TENM3: variants seen among roughly 807,000 people sequenced by gnomAD.
TENM3 encodes teneurin-3.
TENM3 carries 63 observed loss-of-function variants against 255.1 expected under a neutral mutation model. That is an observed-to-expected ratio of 0.25 (90% confidence interval 0.20 to 0.30). The LOEUF is 0.30. Among genes scored for constraint, TENM3 ranks in the 10% least tolerant of loss-of-function variants. The pLI is 1.00. For synonymous variants in TENM3, 1,306 were observed against 1,322.3 expected, an observed-to-expected ratio of 0.99 and a Z score of 0.27; for missense variants, 2,929 against 3,461.1, an observed-to-expected ratio of 0.85 and a Z score of 3.86.
intron 3 of TENM3, among the ~76,000 whole-genome samples, chr4:182,387,891 C>T (rs138654428): frequency 6.7e-6 from 1 of 149,162 alleles, no homozygotes; most frequent in Non-Finnish European, 1.5e-5. Flanking sequence ...AAGAACCCAC[C>T]AATTCCGGAC....
the TENM3 span, among the ~76,000 whole-genome samples, chr4:181,575,849 G>T: frequency 6.6e-6 from 1 of 152,192 alleles, no homozygotes; most frequent in Non-Finnish European, 1.5e-5. Context: ...CTTCTCCATG[G>T]ACACAGATAG....
chr4:182,429,804 G>A (rs1355957283), intron 3 of TENM3, among the ~76,000 whole-genome samples: 2 of 152,160 alleles, frequency 1.3e-5, no homozygotes, highest in Non-Finnish European at 2.9e-5. Context: ...GAGATTGAAC[G>A]ATGAATAAAA....
At chr4:181,784,467 T>A in the TENM3 span, among the ~76,000 whole-genome samples, 6 of 152,146 alleles carry the variant, frequency 3.9e-5, no homozygotes, top group Admixed American at 6.6e-5. Context: ...TATTTATAGT[T>A]TCTCCATTTT....
chr4:182,418,206 A>T (rs1048669605), intron 3 of TENM3, among the ~76,000 whole-genome samples: 1 of 152,152 alleles, frequency 6.6e-6, no homozygotes, highest in African/African-American at 2.4e-5. Flanking sequence ...GCAGGTTGAG[A>T]TTGTTGTAGA....
intron 12 of TENM3, among the ~76,000 whole-genome samples, chr4:182,702,950 A>G (rs1315758367): frequency 6.6e-6 from 1 of 151,812 alleles, no homozygotes; most frequent in Non-Finnish European, 1.5e-5. Context: ...GTTAGCCAGG[A>G]TGGTCTCGAT....
chr4:182,749,983 G>GA (rs201463686), intron 19 of TENM3, among the ~76,000 whole-genome samples: 11,033 of 47,154 alleles, frequency 0.23, 530 homozygotes, highest in Middle Eastern at 0.39. Context: ...TTATAGAAAG[G>GA]AAAAAAAAAA....
intron 1 of TENM3, among the ~76,000 whole-genome samples, chr4:182,294,282 G>A (rs62352262): frequency 0.11 from 16,471 of 152,092 alleles, 1,072 homozygotes; most frequent in Middle Eastern, 0.21. Flanking sequence ...ACATTTTTAA[G>A]ATTTCTAGAT....
chr4:182,324,240 T>A lies in TENM3; in HGVS notation c.220T>A (p.Phe74Ile). The change falls in exon 2 of 28, where the codon TTC (phenylalanine) becomes ATC (isoleucine). Residue 74 changes from phenylalanine to isoleucine, a missense_variant. By Grantham distance (21) the Phe-to-Ile change is conservative. This residue lies in a region of TENM3 where 283 missense variants were observed against 256.9 expected (regional missense o/e 1.10). Transcript: ENST00000511685. ...TTTGGTTCACAGAGAAGCAGACGAG[T>A]TCACTAGACAAGGTGGGTAACTGTC... ...KDLVHREADE[F>I]TRQGQNFTLR... 2 of 1,612,740 alleles carry A rather than the reference T, an allele frequency of 1.2e-6. No individual in the cohort carries two copies. The highest frequency in any genetic ancestry group is 2.7e-5 in the African/African-American group (2 of 74,972).
At chr4:182,568,368 A>G (rs1041031026) in intron 3 of TENM3, among the ~76,000 whole-genome samples, 3 of 152,242 alleles carry the variant, frequency 2.0e-5, no homozygotes, top group African/African-American at 7.2e-5. Context: ...GGTATCTGAA[A>G]GAAGGTTGGA....
chr4:181,696,985 T>G, the TENM3 span, among the ~76,000 whole-genome samples: 4 of 152,344 alleles, frequency 2.6e-5, no homozygotes, highest in South Asian at 8.3e-4. Context: ...CCAGATTTCA[T>G]CTTGTTGTTG....
At chr4:181,668,760 A>T in the TENM3 span, among the ~76,000 whole-genome samples, 3 of 152,028 alleles carry the variant, frequency 2.0e-5, no homozygotes, top group Non-Finnish European at 4.4e-5. Flanking sequence ...GAGTAACACA[A>T]TCCAACCCAC....
chr4:182,096,536 GTA>G, the TENM3 span, among the ~76,000 whole-genome samples: 3 of 152,292 alleles, frequency 2.0e-5, no homozygotes, highest in African/African-American at 7.2e-5. Flanking sequence ...AAATGAATGA[GTA>G]TATATTATGG....
At chr4:182,508,330 A>G (rs1023991327) in intron 3 of TENM3, among the ~76,000 whole-genome samples, 3 of 152,168 alleles carry the variant, frequency 2.0e-5, no homozygotes, top group Admixed American at 1.3e-4. Flanking sequence ...AACTATTCCT[A>G]TAAGAGTATG....
the TENM3 span, among the ~76,000 whole-genome samples, chr4:181,907,667 C>T: frequency 6.6e-6 from 1 of 152,106 alleles, no homozygotes; most frequent in African/African-American, 2.4e-5. Context: ...AAACACAAGA[C>T]AGCGCCATTG....
the TENM3 span, among the ~76,000 whole-genome samples, chr4:181,708,018 C>A: frequency 6.6e-6 from 1 of 151,870 alleles, no homozygotes; most frequent in Non-Finnish European, 1.5e-5. Context: ...TCTATTGATG[C>A]CTTCAAAGCT....
At chr4:182,510,327 G>A (rs901196558) in intron 3 of TENM3, among the ~76,000 whole-genome samples, 2 of 151,950 alleles carry the variant, frequency 1.3e-5, no homozygotes, top group East Asian at 1.9e-4. Flanking sequence ...GCTCTAGCTC[G>A]CCTCTAGCCC....
the TENM3 span, among the ~76,000 whole-genome samples, chr4:181,954,690 A>G: frequency 6.6e-6 from 1 of 152,066 alleles, no homozygotes; most frequent in Non-Finnish European, 1.5e-5. Context: ...TTCATTTTCT[A>G]AAGGGTTAAT....
At chr4:181,860,062 C>T in the TENM3 span, among the ~76,000 whole-genome samples, 1 of 152,210 alleles carries the variant, frequency 6.6e-6, no homozygotes, top group African/African-American at 2.4e-5. Flanking sequence ...ATTACCATTA[C>T]AGGCAATGCA....
intron 3 of TENM3, among the ~76,000 whole-genome samples, chr4:182,486,149 A>C (rs1734681798): frequency 6.6e-6 from 1 of 152,128 alleles, no homozygotes; most frequent in African/African-American, 2.4e-5. Flanking sequence ...ATGGAAACCA[A>C]ACTGAGATAT....
Sources: gnomAD v4.1 joint callset for allele counts (sites outside exome capture counted in the v4.1 genomes callset) on GRCh38, gnomAD v4.1.1 for gene constraint, gnomAD v4.1.1 regional missense constraint, MANE v1.5 for transcripts, NCBI Gene and HGNC (gene_info 2026-07-23, HGNC 2026-07-21) for gene names.